UST: variants seen among roughly 807,000 people sequenced by gnomAD.
The protein encoded by UST is chondroitin sulfate 2-O-sulfotransferase.
In UST, 21 loss-of-function variants were observed where a neutral mutation model predicts 45.6. The observed-to-expected ratio is 0.46, with a 90% CI of 0.33 to 0.66. UST has a LOEUF of 0.66. Ranked by LOEUF, UST falls within the 30% of genes least tolerant of loss-of-function variation. UST has a pLI of 0.02. For missense variants in UST, 463 were observed against 512.4 expected (o/e 0.90, Z 0.93); for synonymous variants, 215 against 200.6 (o/e 1.07, Z -0.61).
intron 1 of UST, among the ~76,000 whole-genome samples, chr6:148,848,541 C>G (rs1216380914): frequency 6.6e-6 from 1 of 151,690 alleles, no homozygotes; most frequent in Non-Finnish European, 1.5e-5. Flanking sequence ...TGTGGTGATG[C>G]GTGCCTGTAG....
At chr6:148,760,705 G>GCAAAA (rs541127131) in intron 1 of UST, among the ~76,000 whole-genome samples, 5,186 of 149,710 alleles carry the variant, frequency 0.035, 111 homozygotes, top group Non-Finnish European at 0.048. Context: ...CATAACCATA[G>GCAAAA]CAAAACAAAA....
At chr6:148,813,722 T>C (rs1777303017) in intron 1 of UST, among the ~76,000 whole-genome samples, 1 of 152,220 alleles carries the variant, frequency 6.6e-6, no homozygotes, top group Non-Finnish European at 1.5e-5. Context: ...CATTACGAAA[T>C]AGAATGTGTC....
intron 2 of UST, among the ~76,000 whole-genome samples, chr6:148,925,197 C>T (rs990007598): frequency 6.6e-6 from 1 of 152,154 alleles, no homozygotes; most frequent in African/African-American, 2.4e-5. Context: ...GACCTGACTA[C>T]TTGCCCCCAT....
chr6:149,001,966 G>T (rs1387891031), intron 5 of UST, among the ~76,000 whole-genome samples: 1 of 152,052 alleles, frequency 6.6e-6, no homozygotes, highest in Non-Finnish European at 1.5e-5. Context: ...AATCAAGTTT[G>T]AATGTTAAAA....
chr6:148,839,068 C>A (rs1777844300), intron 1 of UST, among the ~76,000 whole-genome samples: 1 of 152,202 alleles, frequency 6.6e-6, no homozygotes, highest in Non-Finnish European at 1.5e-5. Flanking sequence ...CTTTAATGTG[C>A]AGAGTAATCA....
chr6:148,886,353 A>G (rs1444886152), intron 1 of UST, among the ~76,000 whole-genome samples: 1 of 152,232 alleles, frequency 6.6e-6, no homozygotes, highest in African/African-American at 2.4e-5. Flanking sequence ...TGCTACTGAA[A>G]GGAAGTCAGT....
At chr6:148,973,711 T>C (rs931811459) in intron 5 of UST, among the ~76,000 whole-genome samples, 1 of 152,254 alleles carries the variant, frequency 6.6e-6, no homozygotes, top group Non-Finnish European at 1.5e-5. Context: ...TAATATTTTT[T>C]TCCCTACCCA....
At position 148,820,185 on chromosome 6, in the gene UST, A is replaced by G. The variant is rs545391185; in HGVS notation, c.248-66801A>G. On this transcript the variant is annotated intron_variant, in intron 1 of 7. Coordinates refer to ENST00000367463, the MANE Select transcript of UST (RefSeq NM_005715.3). Reference sequence around the variant, plus strand: ...ATCCTCTAATCTTTTTCCTTTAAATATACTTATTCAGAAATAATTACAAAC... The same window carrying G: ...ATCCTCTAATCTTTTTCCTTTAAATGTACTTATTCAGAAATAATTACAAAC... 2.9e-4 allele frequency among the ~76,000 whole-genome samples: 44 copies of G among 152,332 alleles called. 1 individual carries two copies. The South Asian group carries it at 8.9e-3, about 31-fold the overall frequency.
At chr6:148,799,059 G>A (rs1353018190) in intron 1 of UST, among the ~76,000 whole-genome samples, 5 of 152,104 alleles carry the variant, frequency 3.3e-5, no homozygotes, top group Admixed American at 1.3e-4. Context: ...TCGTACAGAC[G>A]GGGTTTTGCC....
chr6:148,968,778 C>T (rs1312323240), intron 5 of UST, among the ~76,000 whole-genome samples: 1 of 152,184 alleles, frequency 6.6e-6, no homozygotes, highest in African/African-American at 2.4e-5. Context: ...GGTTACACAT[C>T]AAGTTCTCAA....
At chr6:148,784,403 A>C (rs910669807) in intron 1 of UST, among the ~76,000 whole-genome samples, 6 of 152,246 alleles carry the variant, frequency 3.9e-5, no homozygotes, top group Admixed American at 3.9e-4. Context: ...TTCTCTCGAC[A>C]TAAGTCCAGG....
rs34110477 is a variant in UST at position 148,913,423 on chromosome 6, CTTTTT to C, written c.291+26415_291+26419del. Among the ~76,000 whole-genome samples the C allele has an allele frequency of 9.8e-4, 78 of 79,866 alleles. 1 individual carries two copies. Among genetic ancestry groups the C allele is most frequent in the East Asian group, 7.2e-3 (19 of 2,650 alleles). 52.4% of individuals were successfully genotyped at this position (79,866 alleles called of 152,430 possible). ...ACAGTCCGTATTTGGGACCAAAAAT[CTTTTT>C]TTTTTTTTTTTTTTTTTTTTGAGGA... is the stretch of plus-strand genomic sequence containing the variant. On this transcript the variant is annotated intron_variant, in intron 2 of 7. Transcript: ENST00000367463.
At chr6:149,058,392 T>A (rs946886686) in intron 7 of UST, among the ~76,000 whole-genome samples, 1 of 149,668 alleles carries the variant, frequency 6.7e-6, no homozygotes, top group Non-Finnish European at 1.5e-5. Context: ...TGTGTGTATG[T>A]GCGCGCGCGT....
At chr6:148,922,251 T>C (rs1779722186) in intron 2 of UST, among the ~76,000 whole-genome samples, 1 of 150,534 alleles carries the variant, frequency 6.6e-6, no homozygotes, top group South Asian at 2.2e-4. Context: ...ACTCCCCACA[T>C]CCCCCATGAC....
chr6:148,762,382 G>C (rs1433204879), intron 1 of UST, among the ~76,000 whole-genome samples: 1 of 152,076 alleles, frequency 6.6e-6, no homozygotes, highest in Non-Finnish European at 1.5e-5. Context: ...TTTATGCAAG[G>C]GTCTTGAAAT....
intron 1 of UST, among the ~76,000 whole-genome samples, chr6:148,783,493 C>T (rs551341972): frequency 2.0e-5 from 3 of 152,312 alleles, no homozygotes; most frequent in Admixed American, 1.3e-4. Context: ...TTCCCATGTA[C>T]ACCTTTCCCC....
intron 7 of UST, among the ~76,000 whole-genome samples, chr6:149,042,498 G>A (rs1259155219): frequency 6.6e-6 from 1 of 152,166 alleles, no homozygotes; most frequent in African/African-American, 2.4e-5. Flanking sequence ...CACTGCACCA[G>A]GACCTGGACC....
intron 4 of UST, among the ~76,000 whole-genome samples, chr6:148,960,354 C>G (rs1330153544): frequency 6.6e-6 from 1 of 152,182 alleles, no homozygotes; most frequent in East Asian, 1.9e-4. Context: ...CCCAAAAGGT[C>G]CTGTTCTTTT....
intron 1 of UST, among the ~76,000 whole-genome samples, chr6:148,868,354 T>G (rs1778485746): frequency 6.6e-6 from 1 of 152,198 alleles, no homozygotes; most frequent in African/African-American, 2.4e-5. Flanking sequence ...ACGTTTGTTT[T>G]AATGCAAAGA....
Sources: allele counts gnomAD v4.1 joint callset (sites outside exome capture counted in the v4.1 genomes callset), GRCh38; gene constraint gnomAD v4.1.1; transcripts MANE v1.5; gene names NCBI Gene and HGNC (gene_info 2026-07-23, HGNC 2026-07-21).